LARGE1: variants seen among roughly 807,000 people sequenced by gnomAD.
LARGE1 encodes xylosyl- and glucuronyltransferase LARGE1.
In LARGE1, 43 loss-of-function variants were observed where a neutral mutation model predicts 87.6. That is an observed-to-expected ratio of 0.49 (90% CI 0.38 to 0.63). The LOEUF is 0.63. Among genes scored for constraint, LARGE1 ranks in the 30% least tolerant of loss-of-function variants. The probability of loss-of-function intolerance (pLI) is 0.00; values close to 1 mark genes in which losing one functional copy is unlikely to be tolerated. For missense variants in LARGE1, 802 were observed against 1,000.2 expected, an observed-to-expected ratio of 0.80 and a Z score of 2.67; for synonymous variants, 434 against 394.6, an observed-to-expected ratio of 1.10 and a Z score of -1.18.
chr22:33,457,391 A>G (rs972259022), intron 6 of LARGE1, among the ~76,000 whole-genome samples: 2 of 143,810 alleles, frequency 1.4e-5, no homozygotes, highest in African/African-American at 5.2e-5. Flanking sequence ...ACCTCAAGTG[A>G]TTCATCTGCC....
At chr22:33,607,103 G>C (rs2079286123) in intron 4 of LARGE1, among the ~76,000 whole-genome samples, 2 of 152,106 alleles carry the variant, frequency 1.3e-5, no homozygotes, top group South Asian at 4.1e-4. Flanking sequence ...GAGATGAGGG[G>C]AACAGATGTA....
chr22:33,806,987 C>T (rs371219377), intron 1 of LARGE1, among the ~76,000 whole-genome samples: 3 of 150,850 alleles, frequency 2.0e-5, no homozygotes, highest in Non-Finnish European at 2.9e-5. Flanking sequence ...TCCAGCCGGG[C>T]GACACAGTGA....
intron 1 of LARGE1, among the ~76,000 whole-genome samples, chr22:33,859,300 A>G (rs1474311897): frequency 4.6e-5 from 7 of 152,216 alleles, no homozygotes; most frequent in African/African-American, 1.7e-4. Flanking sequence ...ACGACATCTC[A>G]TCATAGTCAT....
the LARGE1 span, among the ~76,000 whole-genome samples, chr22:33,128,371 A>C: frequency 1.3e-5 from 2 of 152,212 alleles, no homozygotes; most frequent in African/African-American, 4.8e-5. Flanking sequence ...TCAGTGATAG[A>C]CTGGATAAAG....
At chr22:33,494,183 G>A (rs2069991266) in intron 6 of LARGE1, among the ~76,000 whole-genome samples, 1 of 152,214 alleles carries the variant, frequency 6.6e-6, no homozygotes, top group Non-Finnish European at 1.5e-5. Context: ...TATGGTCTTT[G>A]ATGAGCTCTG....
At chr22:33,387,308 T>C (rs1261612787) in intron 7 of LARGE1, among the ~76,000 whole-genome samples, 1 of 123,662 alleles carries the variant, frequency 8.1e-6, no homozygotes, top group East Asian at 2.0e-4. Context: ...ACGCCTGTAG[T>C]CCCAGCTACT....
the LARGE1 span, among the ~76,000 whole-genome samples, chr22:33,075,313 G>T: frequency 6.6e-6 from 1 of 152,014 alleles, no homozygotes; most frequent in African/African-American, 2.4e-5. Flanking sequence ...AATAGTTGAA[G>T]AATTTCATCA....
intron 7 of LARGE1, among the ~76,000 whole-genome samples, chr22:33,404,170 C>T (rs1185230734): frequency 1.3e-5 from 2 of 152,092 alleles, no homozygotes; most frequent in African/African-American, 4.8e-5. Context: ...AATTTTCAAC[C>T]AGTGGTCAGC....
At chr22:33,205,677 A>T (rs921576176) in intron 11 of LARGE1, among the ~76,000 whole-genome samples, 2 of 152,226 alleles carry the variant, frequency 1.3e-5, no homozygotes, top group African/African-American at 2.4e-5. Flanking sequence ...CAGCAAAAAA[A>T]TTGGACATTT....
intron 1 of LARGE1, among the ~76,000 whole-genome samples, chr22:33,853,056 C>CCTAA (rs2063656996): frequency 6.6e-6 from 1 of 151,636 alleles, no homozygotes; most frequent in African/African-American, 2.4e-5. Flanking sequence ...GAAGGGGGGG[C>CCTAA]CTAAACAAAG....
rs570938966 is a variant in LARGE1, at chr22:33,316,503, G to A, written c.1288-255C>T. Among the ~76,000 whole-genome samples the A allele has an allele frequency of 5.3e-5, 8 of 152,340 alleles. No individual in the cohort carries two copies. The East Asian group carries it at 1.2e-3, about 22-fold the overall frequency. On this transcript the variant is annotated intron_variant, in intron 10 of 14. Coordinates refer to ENST00000397394, the MANE Select transcript of LARGE1 (RefSeq NM_133642.5). The stretch of plus-strand genomic sequence containing the variant: ...CACCTGTAATGTCAGCACTTTGGGA[G>A]GCCAAGGCGAGCAGATCGCTTGAGC...
intron 9 of LARGE1, among the ~76,000 whole-genome samples, chr22:33,342,698 CGT>C (rs1939296153): frequency 6.6e-6 from 1 of 152,134 alleles, no homozygotes. Flanking sequence ...CACCGCAAGC[CGT>C]CTGTTAGCTC....
chr22:33,234,921 T>A (rs1395009270), intron 11 of LARGE1, among the ~76,000 whole-genome samples: 1 of 152,208 alleles, frequency 6.6e-6, no homozygotes, highest in Non-Finnish European at 1.5e-5. Flanking sequence ...ATGCTACACA[T>A]AAATTATTTC....
intron 6 of LARGE1, among the ~76,000 whole-genome samples, chr22:33,532,441 A>G (rs1602286183): frequency 6.6e-6 from 1 of 152,242 alleles, no homozygotes. Context: ...AGACTAAAGA[A>G]CAGCCATTTC....
chr22:33,415,044 A>T (rs554222990), intron 7 of LARGE1, among the ~76,000 whole-genome samples: 1 of 152,304 alleles, frequency 6.6e-6, no homozygotes, highest in African/African-American at 2.4e-5. Flanking sequence ...TTCGATTCAA[A>T]CAAGAGGATC....
At chr22:33,700,957 G>A (rs2082389738) in intron 2 of LARGE1, among the ~76,000 whole-genome samples, 1 of 152,188 alleles carries the variant, frequency 6.6e-6, no homozygotes, top group African/African-American at 2.4e-5. Context: ...AGCTGGCAGT[G>A]AGGACAAAGA....
intron 11 of LARGE1, chr22:33,305,603 C>T (rs1052404052): frequency 2.0e-6 from 2 of 985,062 alleles, no homozygotes; most frequent in African/African-American, 1.7e-5. Context: ...ACCAGGAAAT[C>T]GATTCCATGC....
chr22:33,252,166 A>C (rs963574772), intron 11 of LARGE1, among the ~76,000 whole-genome samples: 2 of 152,186 alleles, frequency 1.3e-5, no homozygotes, highest in African/African-American at 4.8e-5. Flanking sequence ...GAGTTAACTA[A>C]TCAAATAAAC....
exon 12 of LARGE1, chr22:33,162,517 A>T (rs1010529840): frequency 4.6e-5 from 7 of 152,184 alleles, no homozygotes; most frequent in Admixed American, 2.0e-4. Flanking sequence ...TCTGGGTGAG[A>T]ACATAGCCAA....
Sources: gnomAD v4.1 joint callset for allele counts (sites outside exome capture counted in the v4.1 genomes callset) on GRCh38, gnomAD v4.1.1 for gene constraint, MANE v1.5 for transcripts, NCBI Gene and HGNC (gene_info 2026-07-23, HGNC 2026-07-21) for gene names.